COL21A1: variants seen among roughly 807,000 people sequenced by gnomAD.
COL21A1 encodes the protein collagen alpha-1(XXI) chain.
A neutral mutation model predicts 137.9 loss-of-function variants in COL21A1; 149 were observed. That is an observed-to-expected ratio of 1.08 (90% confidence interval 0.95 to 1.24). The LOEUF is 1.24. Ranked by LOEUF, COL21A1 falls within the 50% of genes most tolerant of loss-of-function variation. COL21A1 has a pLI of 0.00. For missense variants in COL21A1, 1,167 were observed against 1,158.4 expected (o/e 1.01, Z -0.11); for synonymous variants, 456 against 391.5 (o/e 1.16, Z -1.95).
At chr6:56,094,793 A>G (rs1769175733) in intron 17 of COL21A1, among the ~76,000 whole-genome samples, 1 of 152,038 alleles carries the variant, frequency 6.6e-6, no homozygotes, top group South Asian at 2.1e-4. Context: ...TAAGTTGGAA[A>G]CTCTCACACA....
At chr6:56,332,807 T>C (rs1471049012) in intron 1 of COL21A1, among the ~76,000 whole-genome samples, 3 of 152,084 alleles carry the variant, frequency 2.0e-5, no homozygotes, top group Non-Finnish European at 2.9e-5. Context: ...TTAACCATTT[T>C]TATTTCTCCT....
chr6:56,084,023 T>A (rs1318137074), intron 17 of COL21A1, among the ~76,000 whole-genome samples: 1 of 151,910 alleles, frequency 6.6e-6, no homozygotes, highest in African/African-American at 2.4e-5. Flanking sequence ...AAACTCCCAA[T>A]AATCTAGGAA....
chr6:56,340,040 AT>A (rs1300145444), intron 1 of COL21A1, among the ~76,000 whole-genome samples: 2 of 109,054 alleles, frequency 1.8e-5, no homozygotes, highest in Non-Finnish European at 1.9e-5. Context: ...CTAGCACTGG[AT>A]AATACCCCAG....
intron 1 of COL21A1, among the ~76,000 whole-genome samples, chr6:56,386,002 C>T (rs1020416105): frequency 2.6e-5 from 4 of 151,884 alleles, no homozygotes; most frequent in African/African-American, 9.7e-5. Context: ...CGGGTTCAAG[C>T]GATTCTCCTG....
At chr6:56,304,130 T>C (rs1307651141) in intron 1 of COL21A1, among the ~76,000 whole-genome samples, 1 of 152,186 alleles carries the variant, frequency 6.6e-6, no homozygotes, top group East Asian at 1.9e-4. Flanking sequence ...TGGATTCGGT[T>C]TGTGAATATT....
chr6:56,141,285 C>T (rs1223760836), intron 12 of COL21A1, among the ~76,000 whole-genome samples: 1 of 152,112 alleles, frequency 6.6e-6, no homozygotes, highest in African/African-American at 2.4e-5. Flanking sequence ...CTGTCATTTT[C>T]AACAACATGA....
intron 1 of COL21A1, among the ~76,000 whole-genome samples, chr6:56,376,670 C>T (rs2093999819): frequency 6.6e-6 from 1 of 151,928 alleles, no homozygotes; most frequent in Admixed American, 6.6e-5. Flanking sequence ...ACATTTTATA[C>T]TTTATGGCTT....
upstream of COL21A1, among the ~76,000 whole-genome samples, chr6:56,251,271 C>A (rs1782846556): frequency 6.6e-6 from 1 of 152,174 alleles, no homozygotes; most frequent in South Asian, 2.1e-4. Context: ...TATATTATGG[C>A]ATTTTAAGTC....
intron 1 of COL21A1, among the ~76,000 whole-genome samples, chr6:56,357,791 CG>C (rs1765868319): frequency 6.6e-6 from 1 of 152,168 alleles, no homozygotes; most frequent in Non-Finnish European, 1.5e-5. Flanking sequence ...GAATGCTTCA[CG>C]GCATGCCAAG....
At position 56,124,191 on chromosome 6, in the gene COL21A1, G is replaced by T. The variant is rs777468106; in HGVS notation, c.1704+48C>A. On this transcript the variant is annotated intron_variant, in intron 15 of 29. Coordinates refer to ENST00000244728, the MANE Select transcript of COL21A1 (RefSeq NM_030820.4). ...CTTTAAAGACAGATACTATAAGATA[G>T]ATTTTATTTAAAGCAAAATACTAAG... 6.5e-6 allele frequency: 10 copies of T among 1,548,124 alleles called. No homozygotes were observed. In the African/African-American group the frequency reaches 1.4e-4, roughly 21 times the overall value.
At chr6:56,268,542 T>A (rs1329828886) in intron 1 of COL21A1, among the ~76,000 whole-genome samples, 1 of 152,188 alleles carries the variant, frequency 6.6e-6, no homozygotes, top group Non-Finnish European at 1.5e-5. Context: ...TGTCAATATA[T>A]ACCCCTGTGA....
intron 17 of COL21A1, chr6:56,077,811 T>C: frequency 2.3e-6 from 1 of 435,118 alleles, no homozygotes; most frequent in East Asian, 4.5e-5. Flanking sequence ...AAAGAAACTA[T>C]GAGGAAATTC....
At chr6:56,224,226 A>T (rs1379969472) in intron 1 of COL21A1, among the ~76,000 whole-genome samples, 5 of 152,144 alleles carry the variant, frequency 3.3e-5, no homozygotes, top group Non-Finnish European at 5.9e-5. Context: ...TGAGTAATAA[A>T]GTCTTTTGTC....
intron 1 of COL21A1, chr6:56,231,134 C>T (rs910116123): frequency 5.3e-5 from 8 of 151,822 alleles, no homozygotes; most frequent in African/African-American, 1.9e-4. Context: ...GAAGAGGTTT[C>T]CTGAGGAAGA....
chr6:56,189,301 C>G (rs1437503208), intron 1 of COL21A1, among the ~76,000 whole-genome samples: 2 of 151,684 alleles, frequency 1.3e-5, no homozygotes, highest in African/African-American at 4.8e-5. Context: ...AAAAACACAG[C>G]ACGAGAACTT....
At chr6:56,129,640 CGT>C (rs1008520102) in intron 12 of COL21A1, among the ~76,000 whole-genome samples, 54 of 145,352 alleles carry the variant, frequency 3.7e-4, no homozygotes, top group African/African-American at 1.3e-3. Context: ...CACGTGCGTG[CGT>C]GTGTGTGTGT....
chr6:56,075,069 A>G lies in COL21A1; in HGVS notation c.1911+410T>C, dbSNP rs1394996957. Among the ~76,000 whole-genome samples, 30 of 150,986 alleles carry G rather than the reference A, an allele frequency of 2.0e-4. No individual in the cohort carries two copies. The Admixed American group carries it at 2.0e-3, about 10-fold the overall frequency. On this transcript the variant is annotated intron_variant, in intron 19 of 29. Transcript: ENST00000244728. ...ACTCTTGAAAATTCTGAAATAATTT[A>G]CTCTGTTTTAGGAGCTTCCCATACT...
chr6:56,189,361 G>T (rs1477524154), intron 1 of COL21A1, among the ~76,000 whole-genome samples: 1 of 151,444 alleles, frequency 6.6e-6, no homozygotes, highest in Non-Finnish European at 1.5e-5. Context: ...GCAGAAGAAA[G>T]GATATCAGAA....
At chr6:56,374,257 G>T (rs1306766607) in intron 1 of COL21A1, among the ~76,000 whole-genome samples, 1 of 152,130 alleles carries the variant, frequency 6.6e-6, no homozygotes, top group Non-Finnish European at 1.5e-5. Context: ...CCCAAGAAAA[G>T]AGGCATCCAT....
Sources: gnomAD v4.1 joint callset for allele counts (sites outside exome capture counted in the v4.1 genomes callset) on GRCh38, gnomAD v4.1.1 for gene constraint, MANE v1.5 for transcripts, NCBI Gene and HGNC (gene_info 2026-07-23, HGNC 2026-07-21) for gene names.